Variants in LRRC28 observed in about 807,000 individuals in gnomAD.
The protein encoded by LRRC28 is leucine rich repeat containing 28, also known as leucine-rich repeat-containing protein 28.
Under a neutral mutation model 45.7 loss-of-function variants are expected in LRRC28, and 39 were observed. The observed-to-expected ratio is 0.85, with a 90% CI of 0.66 to 1.12. The LOEUF (loss-of-function observed/expected upper bound fraction) is 1.12, where lower values mean the gene tolerates loss of function less well. Among genes scored for constraint, LRRC28 ranks in the 50% most tolerant of loss-of-function variants. The pLI, the probability that LRRC28 is intolerant of heterozygous loss-of-function variation, is 0.00. For missense variants in LRRC28, 435 were observed against 438.5 expected (o/e 0.99, Z 0.07); for synonymous variants, 206 against 178.8 (o/e 1.15, Z -1.22).
intron 3 of LRRC28, chr15:99,285,096 A>G: frequency 1.4e-6 from 1 of 700,010 alleles, no homozygotes; most frequent in South Asian, 1.4e-5. Flanking sequence ...TCTGAGTGAC[A>G]GTCTTATCCA....
intron 5 of LRRC28, chr15:99,333,690 C>T: frequency 5.4e-6 from 3 of 551,546 alleles, no homozygotes; most frequent in African/African-American, 1.9e-5. Flanking sequence ...TTTTTTTCTC[C>T]ATGCTACCCA....
At chr15:99,259,760 GT>G in intron 2 of LRRC28, 1 of 1,390,052 alleles carries the variant, frequency 7.2e-7, no homozygotes. Flanking sequence ...TCTTGCTGTG[GT>G]TTTGTTTGAA....
Position 99,295,348 on chromosome 15 carries a change from C to G in LRRC28, c.385+7397C>G, listed in dbSNP as rs148141042. ...GAACATATTTAAACTAATTTTCTCC[C>G]AATGACATTTTGTAATTTGATTGTA... On this transcript the variant is annotated intron_variant, in intron 5 of 9. Transcript: ENST00000301981. 8.5e-5 allele frequency among the ~76,000 whole-genome samples: 13 copies of G among 152,274 alleles called. 1 individual carries two copies. The East Asian group carries it at 2.1e-3, about 25-fold the overall frequency.
intron 3 of LRRC28, among the ~76,000 whole-genome samples, chr15:99,278,825 A>G (rs779841582): frequency 2.8e-4 from 43 of 152,240 alleles, no homozygotes; most frequent in Non-Finnish European, 5.0e-4. Flanking sequence ...GTTGTTGGCC[A>G]GGACTGCAGT....
rs185945432 is a variant in LRRC28, at chr15:99,329,762, C to T, written c.386-4161C>T. Among the ~76,000 whole-genome samples, 189 of 152,298 alleles carry T rather than the reference C, an allele frequency of 1.2e-3. 2 individuals carry two copies. Among genetic ancestry groups the T allele is most frequent in the African/African-American group, 4.4e-3 (183 of 41,574 alleles). ...ACCCATCATAGTTTTTCATTGATCT[C>T]GTCAGAAGACTTAGGTTGTTCATCA... is the stretch of plus-strand genomic sequence containing the variant. On this transcript the variant is annotated intron_variant, in intron 5 of 9. Transcript: ENST00000301981.
chr15:99,257,537 C>T (rs555710909), intron 2 of LRRC28: 207 of 464,148 alleles, frequency 4.5e-4, no homozygotes, highest in Non-Finnish European at 7.4e-4. Context: ...GGGCGGACCA[C>T]GCGGCTGGAG....
intron 9 of LRRC28, among the ~76,000 whole-genome samples, chr15:99,376,211 T>C (rs982982614): frequency 6.6e-6 from 1 of 152,210 alleles, no homozygotes; most frequent in African/African-American, 2.4e-5. Flanking sequence ...GATTTCCTTT[T>C]TGACCTATGG....
At chr15:99,253,416 C>G (rs552825102) in intron 1 of LRRC28, among the ~76,000 whole-genome samples, 3 of 152,262 alleles carry the variant, frequency 2.0e-5, no homozygotes, top group Admixed American at 2.0e-4. Flanking sequence ...CCACTGCGCC[C>G]GGTCTCAGGA....
intron 7 of LRRC28, among the ~76,000 whole-genome samples, chr15:99,352,773 G>T (rs8038864): frequency 0.31 from 47,523 of 151,902 alleles, 8,049 homozygotes; most frequent in African/African-American, 0.46. Flanking sequence ...TTATTTAAAT[G>T]GTACACGTGA....
chr15:99,352,232 C>CT, intron 6 of LRRC28, 137 bp from the exon 7 acceptor site: 1 of 646,104 alleles, frequency 1.5e-6, no homozygotes, highest in East Asian at 2.9e-5. Context: ...CCATAACTTA[C>CT]TTTATATAAC....
chr15:99,324,059 C>T (rs1955888223), intron 5 of LRRC28, among the ~76,000 whole-genome samples: 1 of 152,110 alleles, frequency 6.6e-6, no homozygotes. Flanking sequence ...ACAGTAGTCC[C>T]CTATTATCTG....
At chr15:99,300,132 TAAC>T (rs1223325991) in intron 5 of LRRC28, among the ~76,000 whole-genome samples, 5 of 152,062 alleles carry the variant, frequency 3.3e-5, no homozygotes, top group Non-Finnish European at 7.4e-5. Flanking sequence ...TTTTTCTTAA[TAAC>T]AGCAGGTTTT....
At chr15:99,319,734 A>C (rs1386406070) in intron 5 of LRRC28, among the ~76,000 whole-genome samples, 1 of 152,022 alleles carries the variant, frequency 6.6e-6, no homozygotes, top group African/African-American at 2.4e-5. Flanking sequence ...TGGCACCTAG[A>C]CATAAATATT....
chr15:99,286,625 T>G (rs2081967143), intron 3 of LRRC28: 1 of 152,312 alleles, frequency 6.6e-6, no homozygotes, highest in African/African-American at 2.4e-5. Flanking sequence ...CTAAAGACAC[T>G]GTAGTGGGAA....
intron 2 of LRRC28, chr15:99,258,847 C>G (rs2081105912): frequency 1.0e-5 from 7 of 702,942 alleles, no homozygotes; most frequent in Non-Finnish European, 1.9e-5. Flanking sequence ...ACATTAAGCT[C>G]TATGTGCGCT....
chr15:99,361,360 C>G lies in LRRC28; in HGVS notation c.720C>G (p.Ser240=). ...GCTGTGGTGCTCCCATTCAAGTTTCCGAGGTGAAGCTGCTTTCCTTTTCAT... is the reference window on the plus strand; with the variant it reads ...GCTGTGGTGCTCCCATTCAAGTTTCGGAGGTGAAGCTGCTTTCCTTTTCAT... ...CSGCGAPIQV[S]EVKLLSFSSG... The change falls in exon 8 of 10, where the codon TCC becomes TCG. Residue 240 remains serine (S), a synonymous_variant. Coordinates refer to ENST00000301981, the MANE Select transcript of LRRC28 (RefSeq NM_144598.5). 3.1e-6 allele frequency: 5 copies of G among 1,613,116 alleles called. No individual in the cohort carries two copies. Among genetic ancestry groups the G allele is most frequent in the Non-Finnish European group, 3.4e-6 (4 of 1,179,686 alleles).
At chr15:99,303,743 A>G (rs1567644528) in intron 5 of LRRC28, among the ~76,000 whole-genome samples, 1 of 152,148 alleles carries the variant, frequency 6.6e-6, no homozygotes, top group African/African-American at 2.4e-5. Context: ...CTGAGGCAGG[A>G]GAATCGCATG....
At position 99,281,543 on chromosome 15, in the gene LRRC28, T is replaced by C. The variant is rs1294355919; in HGVS notation, c.209+4927T>C. Among the ~76,000 whole-genome samples the C allele has an allele frequency of 3.9e-5, 6 of 152,360 alleles. No individual in the cohort carries two copies. In the East Asian group the frequency reaches 1.2e-3, roughly 29 times the overall value. ...ATAGCTATTTTAATGTCCTGTTTGC[T>C]AATTCTGTCATCTGTGTCATACTGG... On this transcript the variant is annotated intron_variant, in intron 3 of 9. Coordinates refer to ENST00000301981, the MANE Select transcript of LRRC28 (RefSeq NM_144598.5).
intron 9 of LRRC28, among the ~76,000 whole-genome samples, chr15:99,382,148 G>C (rs1481704789): frequency 6.6e-6 from 1 of 152,234 alleles, no homozygotes; most frequent in Admixed American, 6.5e-5. Context: ...ACAGAGGTAG[G>C]CAGGCCTCCT....
Sources: allele counts gnomAD v4.1 joint callset (sites outside exome capture counted in the v4.1 genomes callset), GRCh38; gene constraint gnomAD v4.1.1; transcripts MANE v1.5; gene names NCBI Gene and HGNC (gene_info 2026-07-23, HGNC 2026-07-21).